Variants in SYNE2 observed in about 807,000 individuals in gnomAD.
The protein encoded by SYNE2 is spectrin repeat containing nuclear envelope protein 2.
SYNE2 carries 431 observed loss-of-function variants against 856.3 expected under a neutral mutation model. That is an observed-to-expected ratio of 0.50 (90% CI 0.47 to 0.55). The LOEUF (loss-of-function observed/expected upper bound fraction) is 0.55. Among genes scored for constraint, SYNE2 ranks in the 20% least tolerant of loss-of-function variants. SYNE2 has a pLI of 0.00. For missense variants in SYNE2, 8,129 were observed against 8,023.2 expected (o/e 1.01, Z -0.50); for synonymous variants, 2,923 against 2,872.3 (o/e 1.02, Z -0.56).
chr14:64,176,624 G>T (rs370680388), intron 95 of SYNE2, among the ~76,000 whole-genome samples: 2 of 152,134 alleles, frequency 1.3e-5, no homozygotes, highest in Non-Finnish European at 2.9e-5. Context: ...CTGAGTGCTT[G>T]TGTTCTGTGG....
intron 1 of SYNE2, among the ~76,000 whole-genome samples, chr14:63,881,263 G>A (rs2094857381): frequency 6.6e-6 from 1 of 152,040 alleles, no homozygotes; most frequent in African/African-American, 2.4e-5. Flanking sequence ...GTAGGTGTGA[G>A]CCACCATACC....
intron 66 of SYNE2, among the ~76,000 whole-genome samples, chr14:64,116,267 A>G (rs2097853276): frequency 6.6e-6 from 1 of 152,220 alleles, no homozygotes; most frequent in African/African-American, 2.4e-5. Flanking sequence ...TGATTATTAA[A>G]GACATAAATT....
At chr14:64,215,097 C>CAGTGTCCTGCTTTGGACAGTCAGG (rs2098659758) in intron 106 of SYNE2, among the ~76,000 whole-genome samples, 189 bp from the exon 107 acceptor site, 1 of 152,056 alleles carries the variant, frequency 6.6e-6, no homozygotes, top group Non-Finnish European at 1.5e-5. Flanking sequence ...CTTTGATACC[C>CAGTGTCCTGCTTTGGACAGTCAGG]AGTGTCCTGC....
chr14:64,168,979 G>A lies in SYNE2; in HGVS notation c.17000+8G>A. The A allele has an allele frequency of 6.2e-7, 1 of 1,608,610 alleles. No homozygotes were observed. Among genetic ancestry groups the A allele is most frequent in the Non-Finnish European group, 8.5e-7 (1 of 1,174,988 alleles). ...AACAGAAATAGAGAACAGGTGAGCT[G>A]TCTGGGCCTCATGAAGGTTGTGGGC... On this transcript the variant is annotated splice_region_variant and intron_variant, in intron 93 of 115. Transcript: ENST00000555002.
At chr14:63,961,676 T>C in intron 9 of SYNE2, 51 bp downstream of exon 9, 1 of 1,317,454 alleles carries the variant, frequency 7.6e-7, no homozygotes, top group East Asian at 2.3e-5. Flanking sequence ...ATCCTGCTAA[T>C]GGTTTAATTT....
chr14:63,841,836 T>TTC (rs1890075822), intron 1 of SYNE2, among the ~76,000 whole-genome samples: 1 of 138,990 alleles, frequency 7.2e-6, no homozygotes, highest in Non-Finnish European at 1.6e-5. Context: ...TTCTTTCTTT[T>TTC]TTTTTTTTTT....
chr14:63,945,405 C>T (rs919519178), intron 6 of SYNE2, among the ~76,000 whole-genome samples: 1 of 152,084 alleles, frequency 6.6e-6, no homozygotes, highest in African/African-American at 2.4e-5. Context: ...TAAATGTCTT[C>T]TCTTATGTAC....
intron 6 of SYNE2, among the ~76,000 whole-genome samples, chr14:63,945,090 C>G (rs2096003775): frequency 7.1e-6 from 1 of 141,748 alleles, no homozygotes; most frequent in African/African-American, 2.6e-5. Context: ...TAGGCATGAG[C>G]CACCACACCT....
chr14:63,791,656 A>T (rs1263916852), intron 1 of SYNE2, among the ~76,000 whole-genome samples: 1 of 152,152 alleles, frequency 6.6e-6, no homozygotes. Flanking sequence ...TCAAATAAAA[A>T]CTTAAGGCTG....
chr14:64,170,189 G>T (rs2098404101), intron 93 of SYNE2, 39 bp from the exon 94 acceptor site: 1 of 1,592,624 alleles, frequency 6.3e-7, no homozygotes, highest in African/African-American at 1.3e-5. Flanking sequence ...TTTTCTACAT[G>T]TCGATGTCTG....
At chr14:63,802,034 T>A (rs1595123068) in intron 1 of SYNE2, among the ~76,000 whole-genome samples, 2 of 151,686 alleles carry the variant, frequency 1.3e-5, no homozygotes, top group South Asian at 4.2e-4. Context: ...ATATAAAAAC[T>A]TAAAAACTTT....
intron 100 of SYNE2, chr14:64,208,126 T>C: frequency 2.2e-6 from 1 of 456,030 alleles, no homozygotes; most frequent in Non-Finnish European, 4.4e-6. Context: ...AGGACAAGAC[T>C]CCAGAGACCC....
At chr14:63,995,730 C>CTATCT (rs2096708279) in intron 23 of SYNE2, among the ~76,000 whole-genome samples, 12 of 113,454 alleles carry the variant, frequency 1.1e-4, no homozygotes, top group African/African-American at 4.1e-4. Flanking sequence ...TATATCTATC[C>CTATCT]ATCTATCTAT....
chr14:63,907,969 A>G (rs1196170268), intron 1 of SYNE2, among the ~76,000 whole-genome samples: 3 of 152,204 alleles, frequency 2.0e-5, no homozygotes, highest in African/African-American at 7.2e-5. Flanking sequence ...TGATCCATGC[A>G]AGAGCTAATA....
intron 21 of SYNE2, among the ~76,000 whole-genome samples, chr14:63,991,759 G>GA (rs1473957969): frequency 6.6e-6 from 1 of 152,170 alleles, no homozygotes; most frequent in African/African-American, 2.4e-5. Context: ...GCAAATTGGA[G>GA]AGGTAGAGTA....
rs2098552720 is a variant in SYNE2, at chr14:64,199,535, TG to T, written c.18039-3262del. On this transcript the variant is annotated intron_variant, in intron 99 of 115. Transcript: ENST00000555002. Reference sequence around the variant, plus strand: ...GAGTTCGAGACCAGCCTGGCCAACATGGGGAAACCCTGTCTCTAGTAAAAAT... The same window carrying T: ...GAGTTCGAGACCAGCCTGGCCAACATGGGAAACCCTGTCTCTAGTAAAAAT... 2.6e-5 allele frequency among the ~76,000 whole-genome samples: 4 copies of T among 152,038 alleles called. 1 individual carries two copies. In the South Asian group the frequency reaches 8.3e-4, roughly 32 times the overall value.
rs118071761 is a variant in SYNE2, at chr14:64,069,432, T to C, written c.10432-1213T>C. Among the ~76,000 whole-genome samples, 6 of 152,274 alleles carry C rather than the reference T, an allele frequency of 3.9e-5. No homozygotes were observed. In the East Asian group the frequency reaches 1.2e-3, roughly 29 times the overall value. ...CCTAGGTCTCTTGGACAGTGGCCAG[T>C]CTACATCTGCATCCGTGTATTCTAG... On this transcript the variant is annotated intron_variant, in intron 51 of 115. Coordinates refer to ENST00000555002, the MANE Select transcript of SYNE2 (RefSeq NM_182914.3).
At chr14:64,073,779 G>T (rs908759394) in intron 52 of SYNE2, among the ~76,000 whole-genome samples, 189 bp from the exon 53 acceptor site, 1 of 152,126 alleles carries the variant, frequency 6.6e-6, no homozygotes, top group Non-Finnish European at 1.5e-5. Context: ...TTGATTAAGT[G>T]GTAGATTTTG....
At chr14:64,186,159 A>G (rs576048431) in intron 96 of SYNE2, among the ~76,000 whole-genome samples, 1 of 152,238 alleles carries the variant, frequency 6.6e-6, no homozygotes, top group African/African-American at 2.4e-5. Flanking sequence ...TGACTTTAAA[A>G]TAGAATAAAT....
Sources: allele counts gnomAD v4.1 joint callset (sites outside exome capture counted in the v4.1 genomes callset), GRCh38; gene constraint gnomAD v4.1.1; transcripts MANE v1.5; gene names NCBI Gene and HGNC (gene_info 2026-07-23, HGNC 2026-07-21).